DLG1: variants seen among roughly 807,000 people sequenced by gnomAD.
DLG1 encodes disks large homolog 1.
In DLG1, 42 loss-of-function variants were observed where a neutral mutation model predicts 123.4. The ratio of observed to expected loss-of-function variants is 0.34; its 90% CI spans 0.27 to 0.44. The LOEUF is 0.44. Ranked by LOEUF, DLG1 falls within the 20% of genes least tolerant of loss-of-function variation. The probability of loss-of-function intolerance (pLI) is 1.00; values close to 1 mark genes in which losing one functional copy is unlikely to be tolerated. For synonymous variants in DLG1, 317 were observed against 356.2 expected (o/e 0.89, Z 1.24); for missense variants, 942 against 1,082.6 (o/e 0.87, Z 1.82).
At chr3:197,200,816 G>C (rs1283424253) in intron 4 of DLG1, among the ~76,000 whole-genome samples, 1 of 152,000 alleles carries the variant, frequency 6.6e-6, no homozygotes, top group Admixed American at 6.6e-5. Flanking sequence ...TGACAAACTA[G>C]GCTTTGAGAA....
chr3:197,058,729 T>A (rs1429034731), intron 23 of DLG1, among the ~76,000 whole-genome samples: 1 of 152,350 alleles, frequency 6.6e-6, no homozygotes, highest in East Asian at 1.9e-4. Flanking sequence ...TTTAAATTTG[T>A]GTTATTCCAT....
chr3:197,175,244 C>T (rs191042717), intron 5 of DLG1, among the ~76,000 whole-genome samples: 7 of 152,188 alleles, frequency 4.6e-5, no homozygotes, highest in African/African-American at 1.4e-4. Context: ...ATAGTCTGAA[C>T]AACTATTTTT....
chr3:197,292,044 T>C (rs532939215), intron 3 of DLG1, among the ~76,000 whole-genome samples: 1 of 152,172 alleles, frequency 6.6e-6, no homozygotes, highest in Non-Finnish European at 1.5e-5. Flanking sequence ...GCAATCACTA[T>C]GGAAAACATT....
intron 4 of DLG1, among the ~76,000 whole-genome samples, chr3:197,248,832 C>G (rs1299057064): frequency 6.6e-6 from 1 of 152,128 alleles, no homozygotes; most frequent in Non-Finnish European, 1.5e-5. Flanking sequence ...AGAAAGATTA[C>G]TTATATACTA....
In DLG1 at chr3:197,186,531, T is replaced by G. The variant is rs1191092432; in HGVS notation, c.483+7894A>C. Among the ~76,000 whole-genome samples the G allele has an allele frequency of 2.0e-5, 3 of 152,206 alleles. No homozygotes were observed. The East Asian group carries it at 5.8e-4, about 29-fold the overall frequency. On this transcript the variant is annotated intron_variant, in intron 5 of 24. Transcript: ENST00000667157. ...CCTAAACAATAGAGAAAGCTTAAGTTAGTAAACTAAATACGATTAGTTCAG... is the reference window on the plus strand; with the variant it reads ...CCTAAACAATAGAGAAAGCTTAAGTGAGTAAACTAAATACGATTAGTTCAG...
intron 5 of DLG1, among the ~76,000 whole-genome samples, chr3:197,163,549 G>A (rs1268980263): frequency 1.3e-5 from 2 of 150,078 alleles, no homozygotes; most frequent in Non-Finnish European, 3.0e-5. Context: ...TTGAGATGGA[G>A]TCTCGCTCTG....
chr3:197,115,509 C>T (rs978479932), intron 13 of DLG1, among the ~76,000 whole-genome samples: 1 of 151,896 alleles, frequency 6.6e-6, no homozygotes, highest in African/African-American at 2.4e-5. Flanking sequence ...AAAAGACATA[C>T]TAAAAAAACC....
intron 4 of DLG1, among the ~76,000 whole-genome samples, chr3:197,265,879 G>GT (rs1253874961): frequency 6.6e-6 from 1 of 152,056 alleles, no homozygotes; most frequent in African/African-American, 2.4e-5. Flanking sequence ...GTGAAACCCC[G>GT]TCTCTACCAA....
chr3:197,179,143 G>A (rs913083013), intron 5 of DLG1, among the ~76,000 whole-genome samples: 2 of 152,176 alleles, frequency 1.3e-5, no homozygotes, highest in Admixed American at 6.5e-5. Flanking sequence ...TGCAGTCTGC[G>A]AGTTGGTATA....
chr3:197,228,314 A>T (rs1486081009), intron 4 of DLG1, among the ~76,000 whole-genome samples: 2 of 152,178 alleles, frequency 1.3e-5, no homozygotes, highest in Admixed American at 1.3e-4. Context: ...GCTCCCCTAA[A>T]ACTATATAAG....
intron 14 of DLG1, among the ~76,000 whole-genome samples, chr3:197,102,893 G>C (rs900695470): frequency 1.3e-5 from 2 of 152,172 alleles, no homozygotes; most frequent in African/African-American, 2.4e-5. Flanking sequence ...TACTTTGCTA[G>C]ATTTTGCTAG....
At chr3:197,247,309 T>C (rs965782433) in intron 4 of DLG1, among the ~76,000 whole-genome samples, 14 of 151,980 alleles carry the variant, frequency 9.2e-5, no homozygotes, top group African/African-American at 3.4e-4. Flanking sequence ...TGATTCAGGA[T>C]TACATGGGGG....
intron 5 of DLG1, among the ~76,000 whole-genome samples, chr3:197,173,128 T>G (rs751826720): frequency 1.3e-5 from 2 of 152,156 alleles, no homozygotes; most frequent in Non-Finnish European, 2.9e-5. Flanking sequence ...TTATTGTTAG[T>G]TGCTGTGGTT....
chr3:197,238,438 A>G (rs923713028), intron 4 of DLG1, among the ~76,000 whole-genome samples: 10 of 152,208 alleles, frequency 6.6e-5, no homozygotes, highest in Non-Finnish European at 1.5e-5. Flanking sequence ...AAAGAAATAG[A>G]AAGTCTAAGC....
chr3:197,285,865 C>T (rs1168512517), intron 3 of DLG1, among the ~76,000 whole-genome samples: 2 of 152,170 alleles, frequency 1.3e-5, no homozygotes, highest in Non-Finnish European at 2.9e-5. Flanking sequence ...CCAGCAATTG[C>T]GCTCCTTGGT....
chr3:197,257,518 A>G (rs1303888330), intron 4 of DLG1, among the ~76,000 whole-genome samples: 1 of 152,202 alleles, frequency 6.6e-6, no homozygotes, highest in African/African-American at 2.4e-5. Flanking sequence ...AAAATCTAAA[A>G]TAAAGGCAGC....
rs540029220 is a variant in DLG1 at position 197,280,543 on chromosome 3, G to GT, written c.318+2135dup. 2.5e-4 allele frequency among the ~76,000 whole-genome samples: 38 copies of GT among 152,152 alleles called. No individual in the cohort carries two copies. The East Asian group carries it at 6.6e-3, about 26-fold the overall frequency. On this transcript the variant is annotated intron_variant, in intron 4 of 24. Transcript: ENST00000667157. ...TTGCTGGTGGGCAGTTCTATTTTTAGTTTTTTTGAGAAACCTGCATACTGT... is the reference window on the plus strand; with the variant it reads ...TTGCTGGTGGGCAGTTCTATTTTTAGTTTTTTTTGAGAAACCTGCATACTGT...
chr3:197,103,726 C>G (rs1426715243), intron 14 of DLG1, among the ~76,000 whole-genome samples: 1 of 149,422 alleles, frequency 6.7e-6, no homozygotes, highest in Admixed American at 6.8e-5. Flanking sequence ...CTTTGATCAG[C>G]TAAAAAACAT....
intron 14 of DLG1, among the ~76,000 whole-genome samples, chr3:197,091,319 T>C (rs1045709639): frequency 3.9e-5 from 6 of 152,036 alleles, no homozygotes; most frequent in African/African-American, 1.4e-4. Context: ...ACAGCAGTAA[T>C]CTTATATTAC....
Sources: gnomAD v4.1 joint callset for allele counts (sites outside exome capture counted in the v4.1 genomes callset) on GRCh38, gnomAD v4.1.1 for gene constraint, MANE v1.5 for transcripts, NCBI Gene and HGNC (gene_info 2026-07-23, HGNC 2026-07-21) for gene names.